COL25A1: variants seen among roughly 807,000 people sequenced by gnomAD.
The protein encoded by COL25A1 is collagen alpha-1(XXV) chain.
Under a neutral mutation model 128.4 loss-of-function variants are expected in COL25A1, and 103 were observed. The ratio of observed to expected loss-of-function variants is 0.80; its 90% confidence interval spans 0.68 to 0.94. The LOEUF (loss-of-function observed/expected upper bound fraction) is 0.94, where lower values mean the gene tolerates loss of function less well. Among genes scored for constraint, COL25A1 ranks in the 40% least tolerant of loss-of-function variants. COL25A1 has a pLI of 0.00. For missense variants in COL25A1, 745 were observed against 840.0 expected, an observed-to-expected ratio of 0.89 and a Z score of 1.40; for synonymous variants, 279 against 277.2, an observed-to-expected ratio of 1.01 and a Z score of -0.06.
At chr4:109,032,026 C>T (rs907851080) in intron 5 of COL25A1, among the ~76,000 whole-genome samples, 2 of 152,120 alleles carry the variant, frequency 1.3e-5, no homozygotes, top group Non-Finnish European at 2.9e-5. Flanking sequence ...CTGCATGCTC[C>T]TTGAACAGCT....
intron 24 of COL25A1, among the ~76,000 whole-genome samples, chr4:108,854,875 G>T (rs1473722927): frequency 6.6e-6 from 1 of 152,094 alleles, no homozygotes; most frequent in African/African-American, 2.4e-5. Context: ...TATACTGAAA[G>T]AATTAATCTA....
intron 13 of COL25A1, among the ~76,000 whole-genome samples, chr4:108,909,254 C>CAAAATTAGTT (rs1743921464): frequency 6.6e-6 from 1 of 152,192 alleles, no homozygotes; most frequent in African/African-American, 2.4e-5. Flanking sequence ...CTTTCACTGT[C>CAAAATTAGTT]ATAATTTCCT....
intron 13 of COL25A1, among the ~76,000 whole-genome samples, chr4:108,908,753 A>T (rs1429006197): frequency 6.6e-6 from 1 of 152,184 alleles, no homozygotes; most frequent in Non-Finnish European, 1.5e-5. Context: ...TACTCAAATC[A>T]GTCTCCCCAA....
rs190623327 is a variant in COL25A1 at position 109,072,727 on chromosome 4, C to T, written c.368-22548G>A. On this transcript the variant is annotated intron_variant, in intron 3 of 37. Coordinates refer to ENST00000399132, the MANE Select transcript of COL25A1 (RefSeq NM_198721.4). ...TTTGAAGGCTCTGAGATGACAACAC[C>T]ATGACCACTATGCATCTCCACTCTC... 8.7e-4 allele frequency among the ~76,000 whole-genome samples: 132 copies of T among 152,302 alleles called. 1 individual carries two copies. The highest frequency in any genetic ancestry group is 3.1e-3 in the African/African-American group (130 of 41,566).
At chr4:109,014,705 T>G (rs1347668470) in intron 5 of COL25A1, among the ~76,000 whole-genome samples, 1 of 152,216 alleles carries the variant, frequency 6.6e-6, no homozygotes, top group Non-Finnish European at 1.5e-5. Context: ...ACTAAAGAAC[T>G]CAGATTACTC....
intron 8 of COL25A1, among the ~76,000 whole-genome samples, chr4:108,958,817 C>T (rs1750351805): frequency 6.6e-6 from 1 of 151,954 alleles, no homozygotes; most frequent in Admixed American, 6.6e-5. Context: ...TGTAAAACTA[C>T]CAAGTTTAAA....
At chr4:109,000,048 T>A (rs1755194767) in intron 6 of COL25A1, among the ~76,000 whole-genome samples, 1 of 151,966 alleles carries the variant, frequency 6.6e-6, no homozygotes, top group African/African-American at 2.4e-5. Flanking sequence ...CAAACTAACA[T>A]GGCACATGTA....
At chr4:109,054,249 A>T (rs1223207217) in intron 3 of COL25A1, among the ~76,000 whole-genome samples, 1 of 152,238 alleles carries the variant, frequency 6.6e-6, no homozygotes, top group Non-Finnish European at 1.5e-5. Context: ...GCAATTTAAT[A>T]TACTAAAGAC....
At chr4:108,993,250 T>G (rs1754404021) in intron 6 of COL25A1, among the ~76,000 whole-genome samples, 2 of 152,228 alleles carry the variant, frequency 1.3e-5, no homozygotes, top group Admixed American at 1.3e-4. Context: ...ATCAACATTT[T>G]TTGATTCCAC....
intron 3 of COL25A1, among the ~76,000 whole-genome samples, chr4:109,244,769 C>T (rs898642386): frequency 3.9e-5 from 6 of 152,046 alleles, no homozygotes; most frequent in Non-Finnish European, 7.4e-5. Context: ...CTGGGTAGTG[C>T]GTTGCCTCAC....
intron 3 of COL25A1, among the ~76,000 whole-genome samples, chr4:109,059,138 A>G (rs748024433): frequency 6.6e-6 from 1 of 152,234 alleles, no homozygotes; most frequent in African/African-American, 2.4e-5. Context: ...AGGGACAATG[A>G]TGATGACTAA....
At chr4:109,192,769 G>A (rs1775723732) in intron 3 of COL25A1, among the ~76,000 whole-genome samples, 1 of 152,002 alleles carries the variant, frequency 6.6e-6, no homozygotes, top group African/African-American at 2.4e-5. Flanking sequence ...CAGGAGAATG[G>A]CATGAACCTG....
chr4:108,906,333 C>G (rs1377508294), intron 13 of COL25A1, among the ~76,000 whole-genome samples: 8 of 152,068 alleles, frequency 5.3e-5, no homozygotes, highest in Non-Finnish European at 1.5e-5. Flanking sequence ...ATGTTTTTTC[C>G]TCGGATAGCT....
intron 5 of COL25A1, among the ~76,000 whole-genome samples, chr4:109,046,769 C>T (rs1236325284): frequency 6.6e-6 from 1 of 152,172 alleles, no homozygotes; most frequent in Non-Finnish European, 1.5e-5. Context: ...ACGCTAAGCC[C>T]CTGTCCCTGG....
chr4:109,148,311 T>TA (rs1771147419), intron 3 of COL25A1, among the ~76,000 whole-genome samples: 1 of 152,186 alleles, frequency 6.6e-6, no homozygotes, highest in Non-Finnish European at 1.5e-5. Flanking sequence ...AACAATATTT[T>TA]AAAAATAGGA....
intron 3 of COL25A1, among the ~76,000 whole-genome samples, chr4:109,126,847 T>C (rs927623187): frequency 6.6e-6 from 1 of 151,990 alleles, no homozygotes; most frequent in Non-Finnish European, 1.5e-5. Flanking sequence ...GCATGGCACA[T>C]GTATACATAT....
At chr4:109,259,385 T>C (rs887300094) in intron 3 of COL25A1, among the ~76,000 whole-genome samples, 1 of 152,242 alleles carries the variant, frequency 6.6e-6, no homozygotes, top group Non-Finnish European at 1.5e-5. Flanking sequence ...ACCTGTTTTT[T>C]CCAAATATAT....
chr4:109,212,592 C>A (rs1413449691), intron 3 of COL25A1, among the ~76,000 whole-genome samples: 1 of 152,212 alleles, frequency 6.6e-6, no homozygotes, highest in African/African-American at 2.4e-5. Flanking sequence ...GATATGAAGA[C>A]AGTATGCCCA....
intron 6 of COL25A1, among the ~76,000 whole-genome samples, chr4:108,993,690 T>C (rs1459094648): frequency 6.6e-6 from 1 of 151,990 alleles, no homozygotes; most frequent in African/African-American, 2.4e-5. Flanking sequence ...TGAAACCCCA[T>C]CTCTACTAAA....
Sources: allele counts gnomAD v4.1 joint callset (sites outside exome capture counted in the v4.1 genomes callset), GRCh38; gene constraint gnomAD v4.1.1; transcripts MANE v1.5; gene names NCBI Gene and HGNC (gene_info 2026-07-23, HGNC 2026-07-21).